Variants in OCA2 observed in about 807,000 individuals in gnomAD.
The protein encoded by OCA2 is P protein.
Under a neutral mutation model 100.2 loss-of-function variants are expected in OCA2, and 77 were observed. That is an observed-to-expected ratio of 0.77 (90% CI 0.64 to 0.93). The LOEUF (loss-of-function observed/expected upper bound fraction) is 0.93, where lower values mean the gene tolerates loss of function less well. Ranked by LOEUF, OCA2 falls within the 40% of genes least tolerant of loss-of-function variation. The pLI is 0.00. For synonymous variants in OCA2, 432 were observed against 439.2 expected, an observed-to-expected ratio of 0.98 and a Z score of 0.21; for missense variants, 1,062 against 1,089.1, an observed-to-expected ratio of 0.98 and a Z score of 0.35.
intron 2 of OCA2, among the ~76,000 whole-genome samples, 188 bp from the exon 3 acceptor site, chr15:28,032,351 C>G (rs1420451043): frequency 6.6e-6 from 1 of 152,224 alleles, no homozygotes; most frequent in African/African-American, 2.4e-5. Flanking sequence ...AAGACCTCTT[C>G]TCCCCAACTC....
intron 23 of OCA2, 75 bp downstream of exon 23, chr15:27,844,884 T>C: frequency 9.7e-7 from 1 of 1,034,460 alleles, no homozygotes; most frequent in Non-Finnish European, 1.5e-6. Flanking sequence ...TAGCATTTAA[T>C]GTGTTATTTT....
At chr15:27,810,211 A>G (rs1224294274) in intron 23 of OCA2, among the ~76,000 whole-genome samples, 1 of 152,240 alleles carries the variant, frequency 6.6e-6, no homozygotes, top group African/African-American at 2.4e-5. Context: ...CCAAATACTT[A>G]CAGCCAATTG....
At chr15:27,725,959 T>G in the OCA2 span, among the ~76,000 whole-genome samples, 2 of 151,986 alleles carry the variant, frequency 1.3e-5, no homozygotes, top group African/African-American at 4.8e-5. Context: ...AGCTGGCGTC[T>G]GCAAACTCTT....
intron 23 of OCA2, among the ~76,000 whole-genome samples, chr15:27,773,626 G>A (rs1398524903): frequency 6.6e-6 from 1 of 152,222 alleles, no homozygotes. Flanking sequence ...GAGATAGGGA[G>A]CATTATTATT....
chr15:27,835,251 G>A (rs867658883), intron 23 of OCA2, among the ~76,000 whole-genome samples: 5 of 152,136 alleles, frequency 3.3e-5, no homozygotes, highest in Non-Finnish European at 5.9e-5. Context: ...AAAATGATGC[G>A]GCAGGTTGCA....
chr15:27,838,124 G>A lies in OCA2; in HGVS notation c.2432+6835C>T, dbSNP rs116258837. 3.9e-3 allele frequency among the ~76,000 whole-genome samples: 592 copies of A among 152,106 alleles called. 2 individuals carry two copies. The highest frequency in any genetic ancestry group is 0.014 in the African/African-American group (568 of 41,490). On this transcript the variant is annotated intron_variant, in intron 23 of 23. Coordinates refer to ENST00000354638, the MANE Select transcript of OCA2 (RefSeq NM_000275.3). ...CCCCAACAAGCCACATGTAAACCAG[G>A]AAACACAAAACCACATACAACACTC...
At chr15:27,769,861 C>A (rs1023218906) in intron 23 of OCA2, among the ~76,000 whole-genome samples, 3 of 145,786 alleles carry the variant, frequency 2.1e-5, no homozygotes, top group Non-Finnish European at 3.0e-5. Context: ...CCCTCCCCAG[C>A]ACCTCGGCCT....
chr15:27,965,115 G>A (rs2040523997), intron 15 of OCA2, among the ~76,000 whole-genome samples: 2 of 152,160 alleles, frequency 1.3e-5, no homozygotes, highest in African/African-American at 2.4e-5. Flanking sequence ...TCACCAGGGA[G>A]GTTGGGAGAG....
intron 9 of OCA2, among the ~76,000 whole-genome samples, chr15:28,001,128 T>A (rs2041911433): frequency 6.6e-6 from 1 of 152,130 alleles, no homozygotes; most frequent in Admixed American, 6.5e-5. Flanking sequence ...GGAAATGGAA[T>A]CAGAATCTCA....
chr15:27,985,010 C>T, intron 13 of OCA2, 54 bp downstream of exon 13: 2 of 1,603,310 alleles, frequency 1.2e-6, no homozygotes, highest in South Asian at 2.2e-5. Context: ...GCAGGCAGAG[C>T]CCCTGCCTGC....
intron 23 of OCA2, among the ~76,000 whole-genome samples, chr15:27,775,263 A>T (rs2032144366): frequency 6.6e-6 from 1 of 151,926 alleles, no homozygotes; most frequent in African/African-American, 2.4e-5. Flanking sequence ...TGTTTTCTTC[A>T]CTTCTGCCCA....
intron 23 of OCA2, among the ~76,000 whole-genome samples, chr15:27,803,596 G>C (rs2151184887): frequency 6.6e-6 from 1 of 152,304 alleles, no homozygotes; most frequent in African/African-American, 2.4e-5. Context: ...TAAGTAGGGA[G>C]TTCGTGTTTA....
chr15:28,018,979 C>T (rs1325221374), intron 6 of OCA2, among the ~76,000 whole-genome samples: 1 of 152,204 alleles, frequency 6.6e-6, no homozygotes, highest in Non-Finnish European at 1.5e-5. Context: ...CCAAGCTCAG[C>T]TGTTTCTTGT....
chr15:27,900,414 T>G (rs1360897650), intron 19 of OCA2, among the ~76,000 whole-genome samples: 2 of 152,216 alleles, frequency 1.3e-5, no homozygotes, highest in Non-Finnish European at 2.9e-5. Context: ...CTTTGTTGTC[T>G]CATCCTTATG....
intron 11 of OCA2, among the ~76,000 whole-genome samples, chr15:27,987,457 C>G (rs185509709): frequency 6.6e-6 from 1 of 151,934 alleles, no homozygotes; most frequent in Non-Finnish European, 1.5e-5. Context: ...TGGTGGCTCA[C>G]GCCTGTAATC....
At chr15:27,754,361 C>A (rs1218981742), downstream of OCA2, among the ~76,000 whole-genome samples, 1 of 152,208 alleles carries the variant, frequency 6.6e-6, no homozygotes, top group Non-Finnish European at 1.5e-5. Flanking sequence ...CCCTGAGCAT[C>A]TTGGAACTTT....
intron 9 of OCA2, among the ~76,000 whole-genome samples, chr15:28,004,651 C>T (rs1045648757): frequency 1.3e-5 from 2 of 152,112 alleles, no homozygotes; most frequent in Non-Finnish European, 2.9e-5. Context: ...TGGTCTGACA[C>T]ACACCCTCAC....
At chr15:27,787,085 G>C (rs2032850484) in intron 23 of OCA2, among the ~76,000 whole-genome samples, 2 of 152,070 alleles carry the variant, frequency 1.3e-5, no homozygotes, top group Non-Finnish European at 2.9e-5. Context: ...GGAATAATTA[G>C]GCTAACTGAT....
intron 23 of OCA2, among the ~76,000 whole-genome samples, chr15:27,758,455 C>A (rs2030564696): frequency 6.6e-6 from 1 of 152,212 alleles, no homozygotes; most frequent in Non-Finnish European, 1.5e-5. Context: ...ACGTGGGGAT[C>A]CCACGAGCCA....
Sources: allele counts gnomAD v4.1 joint callset (sites outside exome capture counted in the v4.1 genomes callset), GRCh38; gene constraint gnomAD v4.1.1; transcripts MANE v1.5; gene names NCBI Gene and HGNC (gene_info 2026-07-23, HGNC 2026-07-21).